Variants in NRDC observed in about 807,000 individuals in gnomAD.
The protein encoded by NRDC is nardilysin.
Under a neutral mutation model 147.1 loss-of-function variants are expected in NRDC, and 54 were observed. That is an observed-to-expected ratio of 0.37 (90% CI 0.29 to 0.46). The LOEUF (loss-of-function observed/expected upper bound fraction) is 0.46. Among genes scored for constraint, NRDC ranks in the 20% least tolerant of loss-of-function variants. The pLI, the probability that NRDC is intolerant of heterozygous loss-of-function variation, is 1.00. For missense variants in NRDC, 1,082 were observed against 1,370.6 expected (o/e 0.79, Z 3.33); for synonymous variants, 440 against 482.1 (o/e 0.91, Z 1.14).
At chr1:51,807,010 G>T in intron 17 of NRDC, 97 bp from the exon 18 acceptor site, 1 of 1,441,792 alleles carries the variant, frequency 6.9e-7, no homozygotes, top group South Asian at 1.5e-5. Context: ...TTTTCTCTGT[G>T]GCAAAAATAA....
chr1:51,859,069 T>C (rs1165036430), intron 1 of NRDC, among the ~76,000 whole-genome samples: 2 of 152,226 alleles, frequency 1.3e-5, no homozygotes, highest in Non-Finnish European at 2.9e-5. Context: ...ATAAATTTTC[T>C]ACCTTATTTC....
rs374884242 is a variant in NRDC at position 51,809,282 on chromosome 1, T to C, written c.1990+33A>G. On this transcript the variant is annotated intron_variant, in intron 17 of 30. Coordinates refer to ENST00000352171, the MANE Select transcript of NRDC (RefSeq NM_001101662.2). ...ATACAGGTGCCTATTAGCACATGGATGGATTATGTATAAAAATTGCTATTT... is the reference window on the plus strand; with the variant it reads ...ATACAGGTGCCTATTAGCACATGGACGGATTATGTATAAAAATTGCTATTT... 154 of 1,412,304 alleles carry C rather than the reference T, an allele frequency of 1.1e-4. No homozygotes were observed. In the African/African-American group the frequency reaches 1.9e-3, roughly 17 times the overall value. 87.5% of individuals were successfully genotyped at this position (1,412,304 alleles called of 1,614,324 possible).
In NRDC at chr1:51,846,050, A is replaced by C. The variant is rs150301298; in HGVS notation, c.342-5536T>G. Reference sequence around the variant, plus strand: ...AACTAAAAGTACACAAATCAAATGGAATGGTAATGTATATATCTGGGGAAA... The same window carrying C: ...AACTAAAAGTACACAAATCAAATGGCATGGTAATGTATATATCTGGGGAAA... On this transcript the variant is annotated intron_variant, in intron 1 of 30. Coordinates refer to ENST00000352171, the MANE Select transcript of NRDC (RefSeq NM_001101662.2). 9.2e-5 allele frequency among the ~76,000 whole-genome samples: 14 copies of C among 152,308 alleles called. No homozygotes were observed. In the East Asian group the frequency reaches 2.7e-3, roughly 29 times the overall value.
intron 3 of NRDC, among the ~76,000 whole-genome samples, chr1:51,835,365 G>T (rs1392084625): frequency 1.3e-5 from 2 of 151,088 alleles, no homozygotes; most frequent in Non-Finnish European, 2.9e-5. Flanking sequence ...CCGGCCCCGT[G>T]TAAGTTTTAT....
chr1:51,800,760 GT>G, intron 20 of NRDC, 77 bp from the exon 21 acceptor site: 1 of 1,452,580 alleles, frequency 6.9e-7, no homozygotes, highest in South Asian at 1.3e-5. Context: ...TTTCTCTTTG[GT>G]TTTTACCAGG....
intron 1 of NRDC, among the ~76,000 whole-genome samples, chr1:51,877,507 A>C (rs1406024533): frequency 6.6e-6 from 1 of 152,174 alleles, no homozygotes; most frequent in East Asian, 1.9e-4. Flanking sequence ...ATTAAAACAC[A>C]CACGCACACA....
chr1:51,802,353 C>T (rs1319148061), intron 20 of NRDC, among the ~76,000 whole-genome samples: 4 of 151,720 alleles, frequency 2.6e-5, no homozygotes, highest in Non-Finnish European at 2.9e-5. Flanking sequence ...CTCTAGTTTT[C>T]TATACATACA....
chr1:51,791,967 G>T, intron 26 of NRDC, 79 bp downstream of exon 26: 1 of 1,422,742 alleles, frequency 7.0e-7, no homozygotes, highest in Non-Finnish European at 9.9e-7. Context: ...AGGCTGCTCA[G>T]TAGGGATATC....
intron 1 of NRDC, among the ~76,000 whole-genome samples, chr1:51,863,633 G>C (rs1324901015): frequency 6.6e-6 from 1 of 152,088 alleles, no homozygotes; most frequent in African/African-American, 2.4e-5. Context: ...TCCAGACCTT[G>C]TTGCAACCAC....
At chr1:51,837,482 C>T (rs749169442) in intron 2 of NRDC, 5 of 1,577,770 alleles carry the variant, frequency 3.2e-6, no homozygotes, top group African/African-American at 2.7e-5. Flanking sequence ...TAATAGGTGC[C>T]TAACCTGCTT....
At chr1:51,803,733 T>C (rs1679322455) in intron 20 of NRDC, 81 bp downstream of exon 20, 3 of 1,124,990 alleles carry the variant, frequency 2.7e-6, no homozygotes, top group Non-Finnish European at 1.3e-6. Context: ...TATTTCTCTA[T>C]ACAGCATCCC....
intron 3 of NRDC, among the ~76,000 whole-genome samples, chr1:51,834,701 T>C (rs919947389): frequency 6.6e-5 from 10 of 152,248 alleles, no homozygotes; most frequent in African/African-American, 2.4e-4. Context: ...AAAAATTTCA[T>C]CTTTAAAGAA....
chr1:51,819,656 T>C, intron 9 of NRDC, 144 bp downstream of exon 9: 1 of 617,396 alleles, frequency 1.6e-6, no homozygotes. Context: ...ATTAATTAGA[T>C]CTCCATTGCC....
chr1:51,804,145 C>T (rs980791507), intron 19 of NRDC, among the ~76,000 whole-genome samples, 181 bp from the exon 20 acceptor site: 1 of 152,210 alleles, frequency 6.6e-6, no homozygotes, highest in Admixed American at 6.5e-5. Context: ...AGAATTCCTA[C>T]CTTCAGCAGT....
intron 1 of NRDC, among the ~76,000 whole-genome samples, chr1:51,869,139 A>T (rs1424924841): frequency 6.6e-6 from 1 of 151,982 alleles, no homozygotes; most frequent in Non-Finnish European, 1.5e-5. Flanking sequence ...TTGTAGAGGT[A>T]GGGTCTTGTT....
chr1:51,878,522 T>C lies in NRDC; in HGVS notation c.94A>G (p.Thr32Ala), dbSNP rs1295646565. The C allele has an allele frequency of 1.2e-6, 2 of 1,613,704 alleles. No homozygotes were observed. The highest frequency in any genetic ancestry group is 4.5e-5 in the East Asian group (2 of 44,860). Residue 32 changes from threonine (T) to alanine (A), a missense_variant, in exon 1 of 31, where the codon ACG becomes GCG. This residue lies in a region of NRDC where 260 missense variants were observed against 253.2 expected (regional missense o/e 1.03). Transcript: ENST00000352171. ...RELAALWGIE[T>A]RGRCEDSAAA... ...GCAGAGTCTTCGCACCGACCCCGCGTTTCGATTCCCCAGAGCGCCGCGAGC... is the reference window on the plus strand; with the variant it reads ...GCAGAGTCTTCGCACCGACCCCGCGCTTCGATTCCCCAGAGCGCCGCGAGC...
chr1:51,878,474 G>T lies in NRDC; in HGVS notation c.142C>A (p.Leu48Met). 6.2e-7 allele frequency: 1 copy of T among 1,613,966 alleles called. No individual in the cohort carries two copies. Among genetic ancestry groups the T allele is most frequent in the Non-Finnish European group, 8.5e-7 (1 of 1,180,034 alleles). ...GCCTTGTTCCTTCCAGGCATGGCCA[G>T]AATAGGAAAGGGTCTGGCAGCAGCA... ...DSAAARPFPI[L>M]AMPGRNKAKS... The change falls in exon 1 of 31, where the codon CTG becomes ATG. Residue 48 changes from leucine (L) to methionine (M), a missense_variant. By Grantham distance (15) the Leu-to-Met change is conservative (BLOSUM62 2). Transcript: ENST00000352171.
In NRDC at chr1:51,836,091, G is replaced by A. The variant is rs772260844; in HGVS notation, c.712+40C>T. ...TCAATTCATATAAGTTTGGAGGGGG[G>A]AAAAAAACACACCAGGAATGATATT... On this transcript the variant is annotated intron_variant, in intron 3 of 30. Transcript: ENST00000352171. 193 of 1,510,802 alleles carry A rather than the reference G, an allele frequency of 1.3e-4. 1 individual carries two copies. Among genetic ancestry groups the A allele is most frequent in the Non-Finnish European group, 1.6e-4 (178 of 1,088,390 alleles). The allele number at this position is 1,510,802 out of a possible 1,614,324, so 93.6% of individuals were successfully genotyped here.
At chr1:51,869,911 T>G (rs1001669144) in intron 1 of NRDC, among the ~76,000 whole-genome samples, 1 of 152,196 alleles carries the variant, frequency 6.6e-6, no homozygotes, top group African/African-American at 2.4e-5. Flanking sequence ...CAAAATACAC[T>G]TAAAAAAATT....
Sources: allele counts gnomAD v4.1 joint callset (sites outside exome capture counted in the v4.1 genomes callset), GRCh38; gene constraint gnomAD v4.1.1; regional missense constraint gnomAD v4.1.1; transcripts MANE v1.5; gene names NCBI Gene and HGNC (gene_info 2026-07-23, HGNC 2026-07-21).